Variants in CA12 observed in about 807,000 individuals in gnomAD.
CA12 encodes carbonic anhydrase 12, also known as carbonate dehydratase XII.
Under a neutral mutation model 46.8 loss-of-function variants are expected in CA12, and 36 were observed. The ratio of observed to expected loss-of-function variants is 0.77; its 90% CI spans 0.59 to 1.02. The LOEUF is 1.02. Ranked by LOEUF, CA12 falls within the 50% of genes least tolerant of loss-of-function variation. The pLI is 0.00. For missense variants in CA12, 436 were observed against 451.4 expected, an observed-to-expected ratio of 0.97 and a Z score of 0.31; for synonymous variants, 202 against 187.0, an observed-to-expected ratio of 1.08 and a Z score of -0.65.
rs1022236938 is a variant in CA12 at position 63,339,144 on chromosome 15, G to A, written c.748-199C>T. On this transcript the variant is annotated intron_variant, in intron 7 of 10. Transcript: ENST00000178638. This position sits in a 1 kb window ranked among gnomAD's most constrained non-coding sequence, Gnocchi z 4.3. ...ACAGTGGGTGAGTGGGAGCTGGGCA[G>A]CGCTGGGTTTATCTTCCCAGCACCC... is the stretch of plus-strand genomic sequence containing the variant. Among the ~76,000 whole-genome samples, 5 of 152,154 alleles carry A rather than the reference G, an allele frequency of 3.3e-5. No homozygotes were observed. Among genetic ancestry groups the A allele is most frequent in the Admixed American group, 3.3e-4 (5 of 15,278 alleles).
Position 63,340,203 on chromosome 15 carries a change from G to T in CA12, c.747+85C>A. 1 of 1,448,134 alleles carries T rather than the reference G, an allele frequency of 6.9e-7. No individual in the cohort carries two copies. 89.7% of individuals were successfully genotyped at this position (1,448,134 alleles called of 1,614,324 possible). A position where few individuals can be genotyped will look rare whatever the true frequency, so the allele number is the denominator to read the frequency against. ...AGAGCTGCCAATGAAACTAAATGAG[G>T]AAATCAAGTCATTGATTGTGATATG... On this transcript the variant is annotated intron_variant, in intron 7 of 10. Transcript: ENST00000178638. The surrounding 1 kb of genome is among the most constrained non-coding windows in gnomAD (Gnocchi z 4.4).
At chr15:63,357,531 C>T (rs2039310080) in intron 2 of CA12, among the ~76,000 whole-genome samples, 1 of 152,222 alleles carries the variant, frequency 6.6e-6, no homozygotes, top group African/African-American at 2.4e-5. Flanking sequence ...ACATGATTCT[C>T]ATGGGCAGCC....
chr15:63,377,630 G>A (rs1157484529), intron 1 of CA12, among the ~76,000 whole-genome samples: 1 of 152,178 alleles, frequency 6.6e-6, no homozygotes, highest in African/African-American at 2.4e-5. Flanking sequence ...TAGAAAGTCA[G>A]ATGGTTCTAC....
intron 8 of CA12, among the ~76,000 whole-genome samples, chr15:63,336,864 G>A (rs1021790504): frequency 1.3e-5 from 2 of 152,156 alleles, no homozygotes; most frequent in Admixed American, 6.5e-5. Context: ...AACAGAGCCG[G>A]CAATGGGGTC....
At chr15:63,370,442 C>CAA (rs58832010) in intron 2 of CA12, among the ~76,000 whole-genome samples, 36 of 79,142 alleles carry the variant, frequency 4.5e-4, no homozygotes, top group African/African-American at 1.5e-3. Flanking sequence ...AGCCCTGTCT[C>CAA]AAAAAAAAAA....
chr15:63,362,178 A>G (rs1473135220), intron 2 of CA12, among the ~76,000 whole-genome samples: 1 of 152,228 alleles, frequency 6.6e-6, no homozygotes, highest in Non-Finnish European at 1.5e-5. Flanking sequence ...TTATTTATAA[A>G]ACAGGTGTTG....
chr15:63,336,217 C>T (rs1303738237), intron 8 of CA12, among the ~76,000 whole-genome samples: 4 of 152,192 alleles, frequency 2.6e-5, no homozygotes, highest in Non-Finnish European at 4.4e-5. Flanking sequence ...TTAGAGGCCC[C>T]TCAAGCTCCC....
Position 63,345,502 on chromosome 15 carries a change from A to T in CA12, c.404T>A (p.Val135Asp), listed in dbSNP as rs773640949. 1 of 1,610,856 alleles carries T rather than the reference A, an allele frequency of 6.2e-7. No homozygotes were observed. Among genetic ancestry groups the T allele is most frequent in the Admixed American group, 1.7e-5 (1 of 60,026 alleles). Reference sequence around the variant, plus strand: ...CTCGGCGGCGAAGTGCTGTCCGCTGACGGTGTGCTCAGAGCCGTGCGGGTC... The same window carrying T: ...CTCGGCGGCGAAGTGCTGTCCGCTGTCGGTGTGCTCAGAGCCGTGCGGGTC... ...PNDPHGSEHT[V>D]SGQHFAAELH... is the part of the protein sequence containing the mutation. Residue 135 changes from valine (V) to aspartate (D), a missense_variant, in exon 4 of 11, where the codon GTC becomes GAC. Physicochemically the swap from Val to Asp is radical, Grantham distance 152 (BLOSUM62 -3). Transcript: ENST00000178638. The surrounding 1 kb of genome is among the most constrained non-coding windows in gnomAD (Gnocchi z 4.3).
intron 2 of CA12, among the ~76,000 whole-genome samples, chr15:63,371,554 G>C (rs964552140): frequency 6.6e-6 from 1 of 152,248 alleles, no homozygotes; most frequent in African/African-American, 2.4e-5. Flanking sequence ...GGCCTCGCGG[G>C]TGCCCTGTGG....
At position 63,330,240 on chromosome 15, in the gene CA12, C is replaced by T. The variant is rs2152610496; in HGVS notation, c.875-2110G>A. Among the ~76,000 whole-genome samples, 1 of 152,340 alleles carries T rather than the reference C, an allele frequency of 6.6e-6. No individual in the cohort carries two copies. The highest frequency in any genetic ancestry group is 2.1e-4 in the South Asian group (1 of 4,820). Reference sequence around the variant, plus strand: ...CTGGAGGGAGCTTCCAGTGTTTGTACAGCACAAGCTCTGTTTCCTGCAGGG... The same window carrying T: ...CTGGAGGGAGCTTCCAGTGTTTGTATAGCACAAGCTCTGTTTCCTGCAGGG... On this transcript the variant is annotated intron_variant, in intron 8 of 10. Coordinates refer to ENST00000178638, the MANE Select transcript of CA12 (RefSeq NM_001218.5). This position sits in a 1 kb window ranked among gnomAD's most constrained non-coding sequence, Gnocchi z 4.0.
At chr15:63,333,504 G>A (rs1244328993) in intron 8 of CA12, among the ~76,000 whole-genome samples, 1 of 152,232 alleles carries the variant, frequency 6.6e-6, no homozygotes, top group African/African-American at 2.4e-5. Context: ...CTCTGACCCA[G>A]ACCAGCGACT....
Position 63,372,058 on chromosome 15 carries a change from G to T in CA12, c.106+3600C>A, listed in dbSNP as rs999336844. 5.3e-5 allele frequency among the ~76,000 whole-genome samples: 8 copies of T among 152,076 alleles called. No individual in the cohort carries two copies. The highest frequency in any genetic ancestry group is 1.9e-4 in the African/African-American group (8 of 41,404). ...AACTGACTGCAGCACCCACACCAAG[G>T]ACCTGAACGTGCCCACAACCCTTCC... is the stretch of plus-strand genomic sequence containing the variant. On this transcript the variant is annotated intron_variant, in intron 2 of 10. Coordinates refer to ENST00000178638, the MANE Select transcript of CA12 (RefSeq NM_001218.5). The surrounding 1 kb of genome is among the most constrained non-coding windows in gnomAD (Gnocchi z 4.5).
At chr15:63,326,399 C>T (rs371380619) in intron 10 of CA12, 42 bp from the exon 11 acceptor site, 10 of 1,537,770 alleles carry the variant, frequency 6.5e-6, no homozygotes, top group African/African-American at 1.4e-5. Context: ...GAGAGGAGAG[C>T]GAGCGAGCCA....
intron 1 of CA12, among the ~76,000 whole-genome samples, chr15:63,380,215 C>T (rs1005418245): frequency 6.6e-6 from 1 of 152,090 alleles, no homozygotes; most frequent in Non-Finnish European, 1.5e-5. Flanking sequence ...TGACTACAAA[C>T]TTCCCCAGTC....
At chr15:63,358,532 C>T (rs1012928620) in intron 2 of CA12, among the ~76,000 whole-genome samples, 49 of 152,178 alleles carry the variant, frequency 3.2e-4, no homozygotes, top group African/African-American at 1.1e-3. Flanking sequence ...GCTGTCTCCC[C>T]TGGCTGACAA....
chr15:63,327,951 G>A lies in CA12; in HGVS notation c.907+147C>T. On this transcript the variant is annotated intron_variant, in intron 9 of 10. Transcript: ENST00000178638. The surrounding 1 kb of genome is among the most constrained non-coding windows in gnomAD (Gnocchi z 4.5). Reference sequence around the variant, plus strand: ...TGGCAGTTCATCTTTGAATCACAGAGCGACTTGAGGGTAAGACCCATAGCA... The same window carrying A: ...TGGCAGTTCATCTTTGAATCACAGAACGACTTGAGGGTAAGACCCATAGCA... 2 of 726,334 alleles carry A rather than the reference G, an allele frequency of 2.8e-6. No homozygotes were observed. Among genetic ancestry groups the A allele is most frequent in the Non-Finnish European group, 4.9e-6 (2 of 407,118 alleles). 45.0% of individuals were successfully genotyped at this position (726,334 alleles called of 1,614,324 possible).
rs1209911888 is a variant in CA12, at chr15:63,329,983, C to T, written c.875-1853G>A. Among the ~76,000 whole-genome samples, 4 of 152,214 alleles carry T rather than the reference C, an allele frequency of 2.6e-5. No homozygotes were observed. The highest frequency in any genetic ancestry group is 4.4e-5 in the Non-Finnish European group (3 of 68,032). ...CTGGGGGTTCCTGGTCTGGCTTCCC[C>T]AGGTGGCACCGGGCTGCTGTGAGGG... On this transcript the variant is annotated intron_variant, in intron 8 of 10. Transcript: ENST00000178638. The surrounding 1 kb of genome is among the most constrained non-coding windows in gnomAD (Gnocchi z 4.8).
At chr15:63,359,846 G>A (rs1386619660) in intron 2 of CA12, among the ~76,000 whole-genome samples, 1 of 152,114 alleles carries the variant, frequency 6.6e-6, no homozygotes, top group Admixed American at 6.6e-5. Flanking sequence ...CTCATTGGCC[G>A]TGTTTCTCCA....
At chr15:63,350,486 T>C (rs2039215083) in intron 2 of CA12, among the ~76,000 whole-genome samples, 1 of 152,194 alleles carries the variant, frequency 6.6e-6, no homozygotes, top group African/African-American at 2.4e-5. Flanking sequence ...GCCTCTCCAG[T>C]TGGTTGGACT....
Sources: allele counts gnomAD v4.1 joint callset (sites outside exome capture counted in the v4.1 genomes callset), GRCh38; gene constraint gnomAD v4.1.1; non-coding constraint Gnocchi (gnomAD v3.1); transcripts MANE v1.5; gene names NCBI Gene and HGNC (gene_info 2026-07-23, HGNC 2026-07-21).